The following CCDC85C variants were observed in gnomAD, a reference collection of about 807,000 sequenced individuals.
The protein encoded by CCDC85C is coiled-coil domain-containing protein 85C.
CCDC85C carries 18 observed loss-of-function variants against 38.3 expected under a neutral mutation model. The ratio of observed to expected loss-of-function variants is 0.47; its 90% CI spans 0.33 to 0.70. The LOEUF is 0.70. Among genes scored for constraint, CCDC85C ranks in the 30% least tolerant of loss-of-function variants. CCDC85C has a pLI of 0.03. For missense variants in CCDC85C, 566 were observed against 621.2 expected, an observed-to-expected ratio of 0.91 and a Z score of 0.94; for synonymous variants, 264 against 293.8, an observed-to-expected ratio of 0.90 and a Z score of 1.04.
intron 3 of CCDC85C, among the ~76,000 whole-genome samples, 160 bp downstream of exon 3, chr14:99,521,973 G>A (rs543391872): frequency 3.9e-5 from 6 of 152,348 alleles, no homozygotes; most frequent in Admixed American, 1.3e-4. Context: ...CTGGGGCTCC[G>A]CCTCTAACTG....
In CCDC85C at chr14:99,561,778, G is replaced by C. The variant is rs565224090; in HGVS notation, c.794-25690C>G. Among the ~76,000 whole-genome samples the C allele has an allele frequency of 1.8e-4, 27 of 152,302 alleles. No individual in the cohort carries two copies. In the South Asian group the frequency reaches 5.6e-3, roughly 32 times the overall value. ...ATGAAGCTGGGTAAATGTGGGAAGG[G>C]GGCAGAGGAGGGATGCCAGGTGGGA... On this transcript the variant is annotated intron_variant, in intron 1 of 5. Coordinates refer to ENST00000380243, the MANE Select transcript of CCDC85C (RefSeq NM_001144995.2).
At chr14:99,590,962 G>A (rs943351880) in intron 1 of CCDC85C, among the ~76,000 whole-genome samples, 10 of 152,236 alleles carry the variant, frequency 6.6e-5, no homozygotes, top group African/African-American at 2.2e-4. Flanking sequence ...CCAGAGTAAT[G>A]GCCGGCAGCT....
chr14:99,604,153 G>A lies in CCDC85C; in HGVS notation c.-194C>T, dbSNP rs946106551. On this transcript the variant is annotated 5_prime_UTR_variant, in exon 1 of 6. Transcript: ENST00000380243. Reference sequence around the variant, plus strand: ...GGAGCCCGCGCGCCTCGGGGTTGACGAGCGGAGGCGGCTGCTGCGTCGGCG... The same window carrying A: ...GGAGCCCGCGCGCCTCGGGGTTGACAAGCGGAGGCGGCTGCTGCGTCGGCG... 1.6e-5 allele frequency: 6 copies of A among 372,570 alleles called. No homozygotes were observed. The highest frequency in any genetic ancestry group is 2.2e-5 in the Non-Finnish European group (6 of 272,172). The allele number at this position is 372,570 out of a possible 1,614,324, so 23.1% of individuals were successfully genotyped here.
intron 1 of CCDC85C, chr14:99,580,144 C>G: frequency 2.2e-6 from 1 of 455,552 alleles, no homozygotes; most frequent in South Asian, 1.5e-5. Flanking sequence ...ACAGCCTGTG[C>G]AGGCCTGGCC....
intron 1 of CCDC85C, among the ~76,000 whole-genome samples, chr14:99,564,885 G>A (rs866959234): frequency 7.9e-5 from 12 of 152,314 alleles, no homozygotes; most frequent in South Asian, 2.1e-4. Context: ...TGGGGAGGGC[G>A]TGGGGACAAG....
Position 99,561,215 on chromosome 14 carries a change from A to G in CCDC85C, c.794-25127T>C, listed in dbSNP as rs74083719. On this transcript the variant is annotated intron_variant, in intron 1 of 5. Transcript: ENST00000380243. ...TTCCTGGGACCCAAGGCCAGGAGGA[A>G]AACTCTGAAAGGTCAGATGTGAAAA... Among the ~76,000 whole-genome samples, 1,209 of 152,328 alleles carry G rather than the reference A, an allele frequency of 7.9e-3. 16 individuals carry two copies. Among genetic ancestry groups the G allele is most frequent in the African/African-American group, 0.028 (1,146 of 41,582 alleles).
In CCDC85C at chr14:99,572,613, A is replaced by G; in HGVS notation, c.793+30554T>C. 2.2e-6 allele frequency: 1 copy of G among 451,224 alleles called. No individual in the cohort carries two copies. The highest frequency in any genetic ancestry group is 4.5e-6 in the Non-Finnish European group (1 of 224,058). The allele number at this position is 451,224 out of a possible 1,614,324, so 28.0% of individuals were successfully genotyped here. A position where few individuals can be genotyped will look rare whatever the true frequency, so the allele number is the denominator to read the frequency against. ...CTCTGACATCTGTCCTTTGCTGGAA[A>G]CCTTCCAGGGACGACAGCTGCTTAT... On this transcript the variant is annotated intron_variant, in intron 1 of 5. Coordinates refer to ENST00000380243, the MANE Select transcript of CCDC85C (RefSeq NM_001144995.2). This position sits in a 1 kb window ranked among gnomAD's most constrained non-coding sequence, Gnocchi z 4.4.
At position 99,510,479 on chromosome 14, in the gene CCDC85C, C is replaced by T. The variant is rs773061731; in HGVS notation, c.*4767G>A. ...CCTACCACCCCCATGTCTACCCGCCCAACCCGCCCCCGCCACCTGTGCCTC... is the reference window on the plus strand; with the variant it reads ...CCTACCACCCCCATGTCTACCCGCCTAACCCGCCCCCGCCACCTGTGCCTC... On this transcript the variant is annotated 3_prime_UTR_variant, in exon 6 of 6. Coordinates refer to ENST00000380243, the MANE Select transcript of CCDC85C (RefSeq NM_001144995.2). 1.7e-5 allele frequency: 22 copies of T among 1,302,890 alleles called. No individual in the cohort carries two copies. The East Asian group carries it at 5.7e-4, about 34-fold the overall frequency. 80.7% of individuals were successfully genotyped at this position (1,302,890 alleles called of 1,614,324 possible).
At chr14:99,536,125 C>T (rs1426188787) in intron 1 of CCDC85C, 37 bp from the exon 2 acceptor site, 41 of 1,428,170 alleles carry the variant, frequency 2.9e-5, no homozygotes, top group South Asian at 4.9e-5. Flanking sequence ...CATTAGCCTC[C>T]AGCAGACTCC....
chr14:99,595,300 G>C (rs2055131546), intron 1 of CCDC85C, among the ~76,000 whole-genome samples: 1 of 152,206 alleles, frequency 6.6e-6, no homozygotes, highest in Non-Finnish European at 1.5e-5. Context: ...CTGTGGCCCA[G>C]GCTGGAGTGC....
At position 99,527,750 on chromosome 14, in the gene CCDC85C, G is replaced by A. The variant is rs146100810; in HGVS notation, c.868-5510C>T. On this transcript the variant is annotated intron_variant, in intron 2 of 5. Transcript: ENST00000380243. ...TCAAGGACCCAGGCAGCTTCCCACC[G>A]GGAGCCACAGCTGGGTGGGCATGTG... 7.1e-3 allele frequency among the ~76,000 whole-genome samples: 1,082 copies of A among 152,250 alleles called. 4 individuals carry two copies. The highest frequency in any genetic ancestry group is 0.011 in the Non-Finnish European group (746 of 68,010).
At chr14:99,522,101 A>G (rs1234315612) in intron 3 of CCDC85C, 32 bp downstream of exon 3, 9 of 1,505,348 alleles carry the variant, frequency 6.0e-6, no homozygotes, top group Non-Finnish European at 8.1e-6. Context: ...CCTCATCCAG[A>G]ACATGTGGGC....
chr14:99,547,128 A>G (rs529875329), intron 1 of CCDC85C, among the ~76,000 whole-genome samples: 2 of 152,186 alleles, frequency 1.3e-5, no homozygotes, highest in African/African-American at 2.4e-5. Context: ...TCAAAGCCGT[A>G]GTGTGCTATC....
chr14:99,542,389 G>A (rs770138383), intron 1 of CCDC85C, among the ~76,000 whole-genome samples: 8 of 152,156 alleles, frequency 5.3e-5, no homozygotes, highest in Non-Finnish European at 8.8e-5. Context: ...CCAGGGACAC[G>A]GACGGAGATG....
intron 3 of CCDC85C, among the ~76,000 whole-genome samples, 185 bp downstream of exon 3, chr14:99,521,948 G>A (rs904815748): frequency 7.2e-5 from 11 of 152,226 alleles, no homozygotes; most frequent in African/African-American, 1.9e-4. Flanking sequence ...CGCACCTCCA[G>A]CAGTGTCAAC....
chr14:99,574,229 A>C (rs1246552732), intron 1 of CCDC85C, among the ~76,000 whole-genome samples: 1 of 152,100 alleles, frequency 6.6e-6, no homozygotes, highest in Non-Finnish European at 1.5e-5. Flanking sequence ...CACCAGCAAC[A>C]CTAGCAAGAC....
chr14:99,502,873 C>T lies in CCDC85C; in HGVS notation c.*12373G>A, dbSNP rs1441552230. ...AGCCGTCTCAAAGCTCCGAACCATC[C>T]CAGCCCCAGCAGAAGGACCCCCAGC... On this transcript the variant is annotated 3_prime_UTR_variant, in exon 6 of 6. Transcript: ENST00000380243. 2 of 1,613,222 alleles carry T rather than the reference C, an allele frequency of 1.2e-6. No individual in the cohort carries two copies. The highest frequency in any genetic ancestry group is 1.7e-6 in the Non-Finnish European group (2 of 1,179,590).
intron 1 of CCDC85C, among the ~76,000 whole-genome samples, chr14:99,598,490 G>A (rs913767953): frequency 2.0e-5 from 3 of 152,142 alleles, no homozygotes; most frequent in African/African-American, 7.2e-5. Context: ...AAGAGATGGG[G>A]AGCCACAGCC....
At position 99,587,807 on chromosome 14, in the gene CCDC85C, T is replaced by C. The variant is rs2055043448; in HGVS notation, c.793+15360A>G. Among the ~76,000 whole-genome samples the C allele has an allele frequency of 1.3e-5, 2 of 152,168 alleles. 1 individual carries two copies. Among genetic ancestry groups the C allele is most frequent in the South Asian group, 4.1e-4 (2 of 4,822 alleles). On this transcript the variant is annotated intron_variant, in intron 1 of 5. Transcript: ENST00000380243. ...GGGGCTGACTCTACCTCTCCCGCAG[T>C]CTCATCCCCGGGCGCTGAGTAAGAT...
Sources: gnomAD v4.1 joint callset for allele counts (sites outside exome capture counted in the v4.1 genomes callset) on GRCh38, gnomAD v4.1.1 for gene constraint, Gnocchi (gnomAD v3.1) non-coding constraint, MANE v1.5 for transcripts, NCBI Gene and HGNC (gene_info 2026-07-23, HGNC 2026-07-21) for gene names.